The following HECW1 variants were observed in gnomAD, a reference collection of about 807,000 sequenced individuals.
HECW1 encodes E3 ubiquitin-protein ligase HECW1.
In HECW1, 61 loss-of-function variants were observed where a neutral mutation model predicts 182.3. That is an observed-to-expected ratio of 0.33 (90% CI 0.27 to 0.41). HECW1 has a LOEUF of 0.41. Among genes scored for constraint, HECW1 ranks in the 10% least tolerant of loss-of-function variants. The pLI, the probability that HECW1 is intolerant of heterozygous loss-of-function variation, is 1.00. For synonymous variants in HECW1, 859 were observed against 832.6 expected (o/e 1.03, Z -0.55); for missense variants, 1,739 against 2,108.9 (o/e 0.82, Z 3.44).
intron 8 of HECW1, among the ~76,000 whole-genome samples, chr7:43,408,919 T>G (rs1175244896): frequency 6.6e-6 from 1 of 152,144 alleles, no homozygotes; most frequent in African/African-American, 2.4e-5. Context: ...TCAGTTATCC[T>G]CCACCTGAGC....
chr7:43,214,872 T>C (rs1444577648), intron 2 of HECW1, among the ~76,000 whole-genome samples: 2 of 152,212 alleles, frequency 1.3e-5, no homozygotes, highest in Non-Finnish European at 2.9e-5. Context: ...TCCAGTCTTC[T>C]GTGTGTTCCA....
intron 4 of HECW1, among the ~76,000 whole-genome samples, chr7:43,314,852 A>T (rs1012579325): frequency 1.3e-5 from 2 of 152,196 alleles, no homozygotes; most frequent in African/African-American, 4.8e-5. Context: ...CAAATCAGAG[A>T]TCTAGGCTGA....
At chr7:43,331,359 G>A (rs920377816) in intron 5 of HECW1, among the ~76,000 whole-genome samples, 5 of 152,240 alleles carry the variant, frequency 3.3e-5, no homozygotes, top group African/African-American at 1.2e-4. Flanking sequence ...GGGAGGCTGA[G>A]GCGGGCGGAT....
intron 18 of HECW1, 146 bp downstream of exon 18, chr7:43,492,326 C>T: frequency 1.7e-6 from 1 of 598,354 alleles, no homozygotes; most frequent in Non-Finnish European, 2.9e-6. Flanking sequence ...ATATAGTGCA[C>T]ACCCCGACCC....
intron 15 of HECW1, among the ~76,000 whole-genome samples, chr7:43,468,358 G>T (rs1263449537): frequency 6.6e-6 from 1 of 152,134 alleles, no homozygotes; most frequent in East Asian, 1.9e-4. Flanking sequence ...TGAGGCTCAG[G>T]CAGGTAGAGG....
intron 16 of HECW1, among the ~76,000 whole-genome samples, chr7:43,470,929 G>A (rs997334857): frequency 2.0e-5 from 3 of 152,168 alleles, no homozygotes; most frequent in African/African-American, 7.2e-5. Flanking sequence ...GAGGATAGTG[G>A]GAAAAATACA....
At chr7:43,430,269 C>T (rs925375900) in intron 8 of HECW1, among the ~76,000 whole-genome samples, 1 of 152,208 alleles carries the variant, frequency 6.6e-6, no homozygotes, top group African/African-American at 2.4e-5. Context: ...TCCATATCCT[C>T]ATCATCTTAG....
At position 43,444,147 on chromosome 7, in the gene HECW1, T is replaced by G; in HGVS notation, c.1046-71T>G. On this transcript the variant is annotated intron_variant, in intron 10 of 29. Transcript: ENST00000395891. The surrounding 1 kb of genome is among the most constrained non-coding windows in gnomAD (Gnocchi z 4.3). Reference sequence around the variant, plus strand: ...AAATCCCTTAGTGATGGCTTACATGTCCCACAGGGTATCCTAACACCACAA... The same window carrying G: ...AAATCCCTTAGTGATGGCTTACATGGCCCACAGGGTATCCTAACACCACAA... 1 of 1,442,478 alleles carries G rather than the reference T, an allele frequency of 6.9e-7. No individual in the cohort carries two copies. Among genetic ancestry groups the G allele is most frequent in the Non-Finnish European group, 9.4e-7 (1 of 1,063,290 alleles). 89.4% of individuals were successfully genotyped at this position (1,442,478 alleles called of 1,614,324 possible).
intron 28 of HECW1, among the ~76,000 whole-genome samples, chr7:43,552,960 A>C (rs1393318729): frequency 6.6e-6 from 1 of 152,168 alleles, no homozygotes; most frequent in Non-Finnish European, 1.5e-5. Context: ...CTTGCAGAGA[A>C]CATTCCATCC....
At chr7:43,337,977 A>G (rs538850196) in intron 5 of HECW1, among the ~76,000 whole-genome samples, 1 of 152,372 alleles carries the variant, frequency 6.6e-6, no homozygotes, top group East Asian at 1.9e-4. Flanking sequence ...ATGGCCTGGC[A>G]TATTTATGTG....
intron 28 of HECW1, among the ~76,000 whole-genome samples, chr7:43,553,668 CAA>C (rs773974209): frequency 3.0e-4 from 10 of 33,456 alleles, no homozygotes; most frequent in East Asian, 8.0e-4. Flanking sequence ...GATTCTGTCT[CAA>C]AAAAAAAAAA....
intron 5 of HECW1, among the ~76,000 whole-genome samples, chr7:43,324,401 T>C (rs1810524351): frequency 6.6e-6 from 1 of 152,206 alleles, no homozygotes; most frequent in Non-Finnish European, 1.5e-5. Flanking sequence ...TGCATTAAAA[T>C]TGTATATAAG....
chr7:43,358,778 G>A (rs1174919476), intron 5 of HECW1, among the ~76,000 whole-genome samples: 1 of 150,372 alleles, frequency 6.7e-6, no homozygotes, highest in African/African-American at 2.4e-5. Context: ...TATTTGGAAA[G>A]CAATTTGGCC....
intron 3 of HECW1, among the ~76,000 whole-genome samples, chr7:43,287,019 G>A (rs1804723084): frequency 6.6e-6 from 1 of 152,128 alleles, no homozygotes; most frequent in Non-Finnish European, 1.5e-5. Flanking sequence ...GTTGGGGGTA[G>A]CGGGGAGTTG....
intron 6 of HECW1, among the ~76,000 whole-genome samples, chr7:43,386,481 G>A (rs990931096): frequency 6.6e-6 from 1 of 152,148 alleles, no homozygotes; most frequent in Non-Finnish European, 1.5e-5. Context: ...CCACTCCCAG[G>A]GATGTGCATG....
At chr7:43,506,883 A>G (rs939353244) in intron 21 of HECW1, among the ~76,000 whole-genome samples, 3 of 152,212 alleles carry the variant, frequency 2.0e-5, no homozygotes, top group African/African-American at 7.2e-5. Flanking sequence ...CCTGGTCAAC[A>G]TGGTGAAACC....
At position 43,144,485 on chromosome 7, in the gene HECW1, G is replaced by A. The variant is rs180777161; in HGVS notation, c.-32+30094G>A. ...CTACCTATGGAATTTTTCCCCAAGGGAGATTGGACTCTTCTCCCCCATTGA... is the reference window on the plus strand; with the variant it reads ...CTACCTATGGAATTTTTCCCCAAGGAAGATTGGACTCTTCTCCCCCATTGA... On this transcript the variant is annotated intron_variant, in intron 2 of 29. Coordinates refer to ENST00000395891, the MANE Select transcript of HECW1 (RefSeq NM_015052.5). 1.3e-3 allele frequency among the ~76,000 whole-genome samples: 194 copies of A among 152,292 alleles called. 4 individuals carry two copies. The highest frequency in any genetic ancestry group is 2.9e-3 in the South Asian group (14 of 4,824).
At chr7:43,199,832 C>T (rs1465172300) in intron 2 of HECW1, among the ~76,000 whole-genome samples, 1 of 152,074 alleles carries the variant, frequency 6.6e-6, no homozygotes, top group Admixed American at 6.6e-5. Flanking sequence ...TAAAATGAGA[C>T]AGTTTTGGCA....
chr7:43,153,451 G>T (rs146515735), intron 2 of HECW1, among the ~76,000 whole-genome samples: 5 of 152,238 alleles, frequency 3.3e-5, no homozygotes, highest in Admixed American at 6.5e-5. Flanking sequence ...CATTCAACCC[G>T]TACATTATTT....
Sources: allele counts gnomAD v4.1 joint callset (sites outside exome capture counted in the v4.1 genomes callset), GRCh38; gene constraint gnomAD v4.1.1; non-coding constraint Gnocchi (gnomAD v3.1); transcripts MANE v1.5; gene names NCBI Gene and HGNC (gene_info 2026-07-23, HGNC 2026-07-21).